The following VEZT variants were observed in gnomAD, a reference collection of about 807,000 sequenced individuals.
VEZT encodes the protein vezatin.
In VEZT, 39 loss-of-function variants were observed where a neutral mutation model predicts 79.9. The observed-to-expected ratio is 0.49, with a 90% CI of 0.38 to 0.64. VEZT has a LOEUF of 0.64. VEZT is among the 30% of genes least tolerant of loss of function. The pLI, the probability that VEZT is intolerant of heterozygous loss-of-function variation, is 0.00. For missense variants in VEZT, 837 were observed against 893.1 expected (o/e 0.94, Z 0.80); for synonymous variants, 325 against 327.6 (o/e 0.99, Z 0.09).
intron 2 of VEZT, among the ~76,000 whole-genome samples, chr12:95,255,514 C>T (rs1170546615): frequency 6.6e-6 from 1 of 152,224 alleles, no homozygotes; most frequent in Non-Finnish European, 1.5e-5. Flanking sequence ...TCGCTGCAAC[C>T]TCCACCTCCC....
In VEZT at chr12:95,238,334, G is replaced by A. The variant is rs144992303; in HGVS notation, c.37-13606G>A. 7.0e-4 allele frequency among the ~76,000 whole-genome samples: 106 copies of A among 152,174 alleles called. 2 individuals carry two copies. The East Asian group carries it at 0.014, about 20-fold the overall frequency. On this transcript the variant is annotated intron_variant, in intron 1 of 11. Coordinates refer to ENST00000436874, the MANE Select transcript of VEZT (RefSeq NM_017599.4). ...AGAATTAAATGAGGTATTATAAAAC[G>A]TGCTTAACTCAATGCCTAGTAAATA... is the stretch of plus-strand genomic sequence containing the variant.
At chr12:95,227,002 G>C (rs771283179) in intron 1 of VEZT, among the ~76,000 whole-genome samples, 1 of 152,154 alleles carries the variant, frequency 6.6e-6, no homozygotes, top group Non-Finnish European at 1.5e-5. Flanking sequence ...ACAGAACAAA[G>C]TTTAGAAAAT....
At chr12:95,259,937 A>T (rs2064095402) in intron 3 of VEZT, among the ~76,000 whole-genome samples, 1 of 152,100 alleles carries the variant, frequency 6.6e-6, no homozygotes, top group Non-Finnish European at 1.5e-5. Context: ...CATTAATCTG[A>T]TTCAATTTAA....
chr12:95,259,996 C>T (rs2064111065), intron 3 of VEZT, among the ~76,000 whole-genome samples: 1 of 151,804 alleles, frequency 6.6e-6, no homozygotes, highest in Non-Finnish European at 1.5e-5. Flanking sequence ...CTACGTGAGG[C>T]AATCTAATCA....
chr12:95,271,749 G>C (rs900487057), intron 6 of VEZT, among the ~76,000 whole-genome samples: 1 of 152,156 alleles, frequency 6.6e-6, no homozygotes, highest in African/African-American at 2.4e-5. Context: ...GGGAGTGAGA[G>C]GGTTAGCCTA....
At chr12:95,228,976 T>C (rs1200020052) in intron 1 of VEZT, among the ~76,000 whole-genome samples, 1 of 152,200 alleles carries the variant, frequency 6.6e-6, no homozygotes, top group Non-Finnish European at 1.5e-5. Flanking sequence ...CACTCCAGCC[T>C]GGGCATTGAA....
At chr12:95,262,823 T>G in intron 3 of VEZT, 83 bp from the exon 4 acceptor site, 2 of 1,266,776 alleles carry the variant, frequency 1.6e-6, no homozygotes, top group Non-Finnish European at 2.1e-6. Flanking sequence ...CACCACCAAA[T>G]TTTATTAGTA....
intron 3 of VEZT, among the ~76,000 whole-genome samples, chr12:95,262,636 G>A (rs1388041310): frequency 6.6e-6 from 1 of 152,100 alleles, no homozygotes; most frequent in Non-Finnish European, 1.5e-5. Context: ...AGACAAGTTT[G>A]TTAATCTGTA....
chr12:95,237,467 G>T (rs1338949765), intron 1 of VEZT, among the ~76,000 whole-genome samples: 1 of 152,078 alleles, frequency 6.6e-6, no homozygotes, highest in Non-Finnish European at 1.5e-5. Flanking sequence ...GTGCATCTGG[G>T]TAGTATCAAG....
At chr12:95,248,821 C>CAA (rs3080331) in intron 1 of VEZT, among the ~76,000 whole-genome samples, 11 of 104,682 alleles carry the variant, frequency 1.1e-4, no homozygotes, top group African/African-American at 1.3e-4. Context: ...GACCCTATCT[C>CAA]AAAAAAAAAA....
intron 1 of VEZT, among the ~76,000 whole-genome samples, chr12:95,239,459 G>A (rs894099951): frequency 1.3e-5 from 2 of 152,240 alleles, no homozygotes; most frequent in African/African-American, 4.8e-5. Context: ...TTAGCACTCA[G>A]TCATTGCCAT....
chr12:95,280,163 C>T (rs1369013943), intron 7 of VEZT, among the ~76,000 whole-genome samples: 2 of 152,158 alleles, frequency 1.3e-5, no homozygotes, highest in African/African-American at 4.8e-5. Context: ...TCTCTCAACT[C>T]AGCAGACAGT....
At chr12:95,238,163 T>C (rs1341732651) in intron 1 of VEZT, among the ~76,000 whole-genome samples, 1 of 152,212 alleles carries the variant, frequency 6.6e-6, no homozygotes, top group Non-Finnish European at 1.5e-5. Context: ...TTTTATATTA[T>C]AGTTTAAAAG....
chr12:95,264,558 T>C (rs2065135380), intron 4 of VEZT, among the ~76,000 whole-genome samples: 1 of 152,022 alleles, frequency 6.6e-6, no homozygotes, highest in South Asian at 2.1e-4. Flanking sequence ...TGCCCTAGCC[T>C]CCCAAATACC....
chr12:95,230,589 TTA>T (rs1415268712), intron 1 of VEZT, among the ~76,000 whole-genome samples: 133 of 143,298 alleles, frequency 9.3e-4, no homozygotes, highest in African/African-American at 3.2e-3. Flanking sequence ...TTTTTTTTTT[TTA>T]TTTATTTTGG....
intron 1 of VEZT, among the ~76,000 whole-genome samples, chr12:95,227,284 C>T (rs969261968): frequency 3.3e-5 from 5 of 152,170 alleles, no homozygotes; most frequent in Admixed American, 3.3e-4. Flanking sequence ...TCTCAGCCTC[C>T]CAAGTAGCTG....
chr12:95,224,033 T>G, intron 1 of VEZT: 1 of 300,764 alleles, frequency 3.3e-6, no homozygotes. Context: ...CCATTTTTAT[T>G]TCTTATTTAA....
At chr12:95,272,630 A>G (rs1296796311) in intron 6 of VEZT, among the ~76,000 whole-genome samples, 10 of 152,262 alleles carry the variant, frequency 6.6e-5, no homozygotes, top group Admixed American at 5.9e-4. Flanking sequence ...CAAAGTAAAG[A>G]GCAGAAATAT....
Position 95,300,286 on chromosome 12 carries a change from C to T in VEZT, c.1953C>T (p.Ser651=), listed in dbSNP as rs779131712. ...ATACTGAAGAGGAAAGTAATAAATC[C>T]GCCACAACAGACAATGAAATAAGTA... ...KNDTEEESNK[S]ATTDNEISRT... is the part of the protein sequence containing the mutation. Residue 651 remains serine (S), a synonymous_variant, in exon 12 of 12, where the codon TCC becomes TCT. Transcript: ENST00000436874. The T allele has an allele frequency of 6.4e-5, 102 of 1,603,996 alleles. 3 individuals are homozygous for T. In the South Asian group the frequency reaches 9.1e-4, roughly 14 times the overall value.
Sources: gnomAD v4.1 joint callset for allele counts (sites outside exome capture counted in the v4.1 genomes callset) on GRCh38, gnomAD v4.1.1 for gene constraint, MANE v1.5 for transcripts, NCBI Gene and HGNC (gene_info 2026-07-23, HGNC 2026-07-21) for gene names.